Variants in IGFBP2 observed in about 807,000 individuals in gnomAD.
The protein encoded by IGFBP2 is insulin like growth factor binding protein 2, also known as insulin-like growth factor-binding protein 2.
In IGFBP2, 12 loss-of-function variants were observed where a neutral mutation model predicts 26.2. The ratio of observed to expected loss-of-function variants is 0.46; its 90% CI spans 0.29 to 0.74. The LOEUF (loss-of-function observed/expected upper bound fraction) is 0.74, where lower values mean the gene tolerates loss of function less well. Among genes scored for constraint, IGFBP2 ranks in the 30% least tolerant of loss-of-function variants. The probability of loss-of-function intolerance (pLI) is 0.09; values close to 1 mark genes in which losing one functional copy is unlikely to be tolerated. For synonymous variants in IGFBP2, 189 were observed against 200.6 expected (o/e 0.94, Z 0.49); for missense variants, 328 against 441.2 (o/e 0.74, Z 2.30).
intron 1 of IGFBP2, among the ~76,000 whole-genome samples, chr2:216,636,643 G>A (rs1697502079): frequency 6.6e-6 from 1 of 152,212 alleles, no homozygotes; most frequent in South Asian, 2.1e-4. Context: ...GACTCTAAAA[G>A]CGTGTGTATG....
intron 1 of IGFBP2, among the ~76,000 whole-genome samples, chr2:216,647,329 G>A (rs564580415): frequency 2.6e-5 from 4 of 152,140 alleles, no homozygotes; most frequent in South Asian, 4.2e-4. Context: ...AAAGCTGTAC[G>A]GAAGCTAAGA....
chr2:216,652,631 C>T (rs139326715), intron 1 of IGFBP2, among the ~76,000 whole-genome samples: 78 of 152,302 alleles, frequency 5.1e-4, no homozygotes, highest in African/African-American at 1.6e-3. Flanking sequence ...GTTAATGAAT[C>T]GTCCACTGCT....
chr2:216,652,404 G>C (rs1266497982), intron 1 of IGFBP2, among the ~76,000 whole-genome samples: 4 of 152,148 alleles, frequency 2.6e-5, no homozygotes, highest in Non-Finnish European at 5.9e-5. Flanking sequence ...TCGAACTCCT[G>C]ACCTCAGGTG....
intron 1 of IGFBP2, among the ~76,000 whole-genome samples, chr2:216,651,997 A>G (rs1697834903): frequency 6.6e-6 from 1 of 151,948 alleles, no homozygotes; most frequent in Non-Finnish European, 1.5e-5. Flanking sequence ...CCTGGCCTCA[A>G]ATGACCCGCC....
At position 216,659,780 on chromosome 2, in the gene IGFBP2, G is replaced by T. The variant is rs1363119769; in HGVS notation, c.443-777G>T. ...AAGCTATGAAGTCGAAGGAGTCATA[G>T]TTCCTGTTCTTGGGGCTCTCAGTAT... On this transcript the variant is annotated intron_variant, in intron 1 of 3. Transcript: ENST00000233809. 18 of 1,519,370 alleles carry T rather than the reference G, an allele frequency of 1.2e-5. No homozygotes were observed. The East Asian group carries it at 4.2e-4, about 35-fold the overall frequency. 94.1% of individuals were successfully genotyped at this position (1,519,370 alleles called of 1,614,324 possible). A position where few individuals can be genotyped will look rare whatever the true frequency, so the allele number is the denominator to read the frequency against.
At chr2:216,643,658 G>T (rs1401013763) in intron 1 of IGFBP2, among the ~76,000 whole-genome samples, 1 of 150,396 alleles carries the variant, frequency 6.6e-6, no homozygotes, top group Non-Finnish European at 1.5e-5. Flanking sequence ...AACCATAGCT[G>T]ATGAGCTAAA....
chr2:216,649,117 C>T (rs1697770183), intron 1 of IGFBP2, among the ~76,000 whole-genome samples: 1 of 152,134 alleles, frequency 6.6e-6, no homozygotes, highest in Non-Finnish European at 1.5e-5. Context: ...TATATTGCAT[C>T]TATATGCATA....
intron 1 of IGFBP2, among the ~76,000 whole-genome samples, chr2:216,650,892 A>G (rs1697806158): frequency 6.6e-6 from 1 of 152,184 alleles, no homozygotes; most frequent in Admixed American, 6.5e-5. Flanking sequence ...CCTTGCAGGA[A>G]GGAAGGGCTC....
chr2:216,633,991 G>A (rs1185265443), intron 1 of IGFBP2, 26 bp downstream of exon 1: 1 of 1,573,238 alleles, frequency 6.4e-7, no homozygotes, highest in Non-Finnish European at 8.6e-7. Context: ...ACAAGTAGTT[G>A]GGAGAAACTT....
chr2:216,649,296 C>G (rs1697773693), intron 1 of IGFBP2, among the ~76,000 whole-genome samples: 1 of 152,188 alleles, frequency 6.6e-6, no homozygotes, highest in African/African-American at 2.4e-5. Context: ...TTGTATTACC[C>G]TACTGGTTTT....
chr2:216,634,018 GCC>G, intron 1 of IGFBP2, 53 bp downstream of exon 1: 1 of 1,526,186 alleles, frequency 6.6e-7, no homozygotes, highest in Non-Finnish European at 8.8e-7. Context: ...CAGCGGAGAA[GCC>G]CGACGGGCGG....
At chr2:216,647,724 GTTAGCCAGGA>G (rs1697739518) in intron 1 of IGFBP2, among the ~76,000 whole-genome samples, 1 of 152,112 alleles carries the variant, frequency 6.6e-6, no homozygotes, top group South Asian at 2.1e-4. Flanking sequence ...GTTTCACCAT[GTTAGCCAGGA>G]TGGTCTCGAT....
chr2:216,650,311 G>T (rs10221752), intron 1 of IGFBP2, among the ~76,000 whole-genome samples: 1 of 152,204 alleles, frequency 6.6e-6, no homozygotes, highest in Non-Finnish European at 1.5e-5. Context: ...TGACACCTGC[G>T]CAAGTTGAAC....
intron 1 of IGFBP2, among the ~76,000 whole-genome samples, chr2:216,645,701 A>G (rs968944237): frequency 6.6e-6 from 1 of 152,212 alleles, no homozygotes; most frequent in Non-Finnish European, 1.5e-5. Context: ...GGTCATTTCA[A>G]GAATCCTGTT....
chr2:216,644,624 G>A (rs775138860), intron 1 of IGFBP2, among the ~76,000 whole-genome samples: 5 of 152,174 alleles, frequency 3.3e-5, no homozygotes, highest in Non-Finnish European at 5.9e-5. Context: ...TTGGCACTAA[G>A]CAAAGGGAGC....
chr2:216,644,737 T>G (rs961244208), intron 1 of IGFBP2, among the ~76,000 whole-genome samples: 6 of 152,242 alleles, frequency 3.9e-5, no homozygotes, highest in African/African-American at 1.4e-4. Context: ...TTGTTTGTTT[T>G]ATATTCTTCC....
chr2:216,657,950 T>C (rs1041269614), intron 1 of IGFBP2, among the ~76,000 whole-genome samples: 2 of 152,218 alleles, frequency 1.3e-5, no homozygotes, highest in African/African-American at 4.8e-5. Flanking sequence ...AAAAGTCTTT[T>C]AAAATGATGA....
At chr2:216,635,482 C>T (rs1288040160) in intron 1 of IGFBP2, among the ~76,000 whole-genome samples, 2 of 152,188 alleles carry the variant, frequency 1.3e-5, no homozygotes, top group Non-Finnish European at 2.9e-5. Flanking sequence ...CTGAGCTGAA[C>T]TCTGACAAAC....
chr2:216,642,038 C>T (rs1209143563), intron 1 of IGFBP2, among the ~76,000 whole-genome samples: 20 of 146,296 alleles, frequency 1.4e-4, no homozygotes, highest in Non-Finnish European at 1.3e-4. Flanking sequence ...CTCGCTGTGT[C>T]GCCCAGGCTG....
Sources: gnomAD v4.1 joint callset for allele counts (sites outside exome capture counted in the v4.1 genomes callset) on GRCh38, gnomAD v4.1.1 for gene constraint, MANE v1.5 for transcripts, NCBI Gene and HGNC (gene_info 2026-07-23, HGNC 2026-07-21) for gene names.